The following AUTS2 variants were observed in gnomAD, a reference collection of about 807,000 sequenced individuals.
AUTS2 encodes the protein autism susceptibility gene 2 protein.
A neutral mutation model predicts 112.4 loss-of-function variants in AUTS2; 17 were observed. The observed-to-expected ratio is 0.15, with a 90% CI of 0.10 to 0.23. The LOEUF (loss-of-function observed/expected upper bound fraction) is 0.23, where lower values mean the gene tolerates loss of function less well. Ranked by LOEUF, AUTS2 falls within the 10% of genes least tolerant of loss-of-function variation. The probability of loss-of-function intolerance (pLI) is 1.00; values close to 1 mark genes in which losing one functional copy is unlikely to be tolerated. For missense variants in AUTS2, 1,510 were observed against 1,701.6 expected (o/e 0.89, Z 1.98); for synonymous variants, 751 against 702.7 (o/e 1.07, Z -1.09).
intron 1 of AUTS2, among the ~76,000 whole-genome samples, chr7:69,800,871 C>T (rs924383592): frequency 6.6e-6 from 1 of 152,146 alleles, no homozygotes; most frequent in Admixed American, 6.5e-5. Flanking sequence ...TACATTCCTT[C>T]TATCTGGAGT....
At chr7:69,627,808 G>T (rs1015771565) in intron 1 of AUTS2, among the ~76,000 whole-genome samples, 2 of 152,166 alleles carry the variant, frequency 1.3e-5, no homozygotes, top group Non-Finnish European at 2.9e-5. Flanking sequence ...CAGTTTCCTT[G>T]TGTATAAAAT....
chr7:70,170,567 G>A (rs933614963), intron 4 of AUTS2, among the ~76,000 whole-genome samples: 4 of 150,592 alleles, frequency 2.7e-5, no homozygotes, highest in Non-Finnish European at 5.9e-5. Context: ...CAAGCTCTTT[G>A]AGATGGGATA....
chr7:69,845,863 G>A (rs1202060307), intron 1 of AUTS2, among the ~76,000 whole-genome samples: 1 of 152,132 alleles, frequency 6.6e-6, no homozygotes, highest in Non-Finnish European at 1.5e-5. Context: ...CACAACTCCT[G>A]GGATGCAGGT....
intron 5 of AUTS2, among the ~76,000 whole-genome samples, chr7:70,619,159 G>C (rs905511471): frequency 6.6e-6 from 1 of 152,074 alleles, no homozygotes; most frequent in Non-Finnish European, 1.5e-5. Flanking sequence ...GCCGGACTTG[G>C]ATCAGCAGGA....
chr7:70,659,753 C>T (rs962132956), intron 5 of AUTS2, among the ~76,000 whole-genome samples: 3 of 152,102 alleles, frequency 2.0e-5, no homozygotes, highest in Admixed American at 6.5e-5. Context: ...AACAAACTTG[C>T]ATATACATAG....
At chr7:70,510,872 G>A (rs1484896618) in intron 5 of AUTS2, among the ~76,000 whole-genome samples, 2 of 151,400 alleles carry the variant, frequency 1.3e-5, no homozygotes, top group Non-Finnish European at 2.9e-5. Flanking sequence ...TTGTTGAGAC[G>A]GAATCTTGCT....
intron 1 of AUTS2, among the ~76,000 whole-genome samples, chr7:69,840,148 A>G (rs532591258): frequency 1.6e-4 from 24 of 152,256 alleles, no homozygotes; most frequent in African/African-American, 4.8e-4. Context: ...GTTGATTCCC[A>G]TATTATACTT....
chr7:70,370,907 G>A (rs1384339036), intron 4 of AUTS2, among the ~76,000 whole-genome samples: 1 of 151,906 alleles, frequency 6.6e-6, no homozygotes, highest in Admixed American at 6.6e-5. Flanking sequence ...GTTTTAGTCT[G>A]CATTTCCATG....
In AUTS2 at chr7:70,311,429, C is replaced by G. The variant is rs1403811428; in HGVS notation, c.661-124323C>G. ...TTATTGCCAAAAAACATTTTTAAAG[C>G]TTTCTGTTTTTCTGGTACTTGCAGT... On this transcript the variant is annotated intron_variant, in intron 4 of 18. Transcript: ENST00000342771. Among the ~76,000 whole-genome samples the G allele has an allele frequency of 2.6e-5, 4 of 152,146 alleles. No homozygotes were observed. In the East Asian group the frequency reaches 7.7e-4, roughly 29 times the overall value.
At chr7:69,970,676 T>G (rs558530465) in intron 2 of AUTS2, among the ~76,000 whole-genome samples, 145 of 152,310 alleles carry the variant, frequency 9.5e-4, no homozygotes, top group African/African-American at 3.3e-3. Flanking sequence ...TTGCTGCTTG[T>G]TAATGGTTCC....
Position 70,117,124 on chromosome 7 carries a change from TTTGTTTTTTTTTG to T in AUTS2, c.523-1005_523-993del, listed in dbSNP as rs1453707325. Among the ~76,000 whole-genome samples the T allele has an allele frequency of 1.8e-3, 226 of 128,078 alleles. 13 individuals are homozygous for T. Among genetic ancestry groups the T allele is most frequent in the East Asian group, 1.1e-3 (5 of 4,554 alleles). 84.0% of individuals were successfully genotyped at this position (128,078 alleles called of 152,430 possible). ...CTTTTGTTTTTTTTTTTTGTTTTTT[TTTGTTTTTTTTTG>T]TTTTTTTTTTTGGTGTAGTACCATA... On this transcript the variant is annotated intron_variant, in intron 2 of 18. Transcript: ENST00000342771.
intron 5 of AUTS2, among the ~76,000 whole-genome samples, chr7:70,515,361 T>G (rs978058892): frequency 1.3e-5 from 2 of 151,986 alleles, no homozygotes; most frequent in Non-Finnish European, 2.9e-5. Flanking sequence ...ACCATGACAG[T>G]GACTCCTAGG....
chr7:70,565,159 T>G (rs1801656760), intron 5 of AUTS2, among the ~76,000 whole-genome samples: 1 of 152,216 alleles, frequency 6.6e-6, no homozygotes, highest in Non-Finnish European at 1.5e-5. Flanking sequence ...CTTTATTATC[T>G]TGTAATTTTA....
chr7:70,011,372 T>C (rs1473665079), intron 2 of AUTS2, among the ~76,000 whole-genome samples: 1 of 133,526 alleles, frequency 7.5e-6, no homozygotes, highest in Admixed American at 7.6e-5. Context: ...CTCCCTCATT[T>C]TTCCCTTTTC....
At chr7:70,303,438 A>ACACACACC (rs1789332240) in intron 4 of AUTS2, among the ~76,000 whole-genome samples, 1 of 139,098 alleles carries the variant, frequency 7.2e-6, no homozygotes. Context: ...GCGCGCGCAC[A>ACACACACC]TACACACACA....
chr7:70,106,355 C>A (rs1289525086), intron 2 of AUTS2, among the ~76,000 whole-genome samples: 1 of 152,098 alleles, frequency 6.6e-6, no homozygotes, highest in African/African-American at 2.4e-5. Context: ...CTCTTGTTTC[C>A]AGGGGCACAC....
At chr7:70,619,012 A>G (rs1478362865) in intron 5 of AUTS2, among the ~76,000 whole-genome samples, 1 of 152,074 alleles carries the variant, frequency 6.6e-6, no homozygotes, top group Non-Finnish European at 1.5e-5. Flanking sequence ...GTATGTGCCT[A>G]AGGATGATAT....
At chr7:70,254,113 T>G (rs1332134451) in intron 4 of AUTS2, among the ~76,000 whole-genome samples, 1 of 152,182 alleles carries the variant, frequency 6.6e-6, no homozygotes, top group African/African-American at 2.4e-5. Context: ...ATTTTAAACT[T>G]CATTCTGTTT....
At chr7:70,192,487 T>C (rs920920025) in intron 4 of AUTS2, among the ~76,000 whole-genome samples, 7 of 152,224 alleles carry the variant, frequency 4.6e-5, no homozygotes, top group African/African-American at 1.7e-4. Flanking sequence ...TAATAGTAAG[T>C]AGTTTGCTAA....
Sources: allele counts gnomAD v4.1 joint callset (sites outside exome capture counted in the v4.1 genomes callset), GRCh38; gene constraint gnomAD v4.1.1; transcripts MANE v1.5; gene names NCBI Gene and HGNC (gene_info 2026-07-23, HGNC 2026-07-21).